KCNQ4: variants seen among roughly 807,000 people sequenced by gnomAD.
KCNQ4 encodes potassium voltage-gated channel subfamily Q member 4, also known as potassium voltage-gated channel subfamily KQT member 4.
In KCNQ4, 31 loss-of-function variants were observed where a neutral mutation model predicts 72.6. That is an observed-to-expected ratio of 0.43 (90% CI 0.32 to 0.58). The LOEUF is 0.58. Ranked by LOEUF, KCNQ4 falls within the 20% of genes least tolerant of loss-of-function variation. The pLI is 0.08. For synonymous variants in KCNQ4, 405 were observed against 403.7 expected, an observed-to-expected ratio of 1.00 and a Z score of -0.04; for missense variants, 869 against 962.6, an observed-to-expected ratio of 0.90 and a Z score of 1.29.
At chr1:40,811,769 A>C (rs1647934786) in intron 1 of KCNQ4, among the ~76,000 whole-genome samples, 1 of 152,222 alleles carries the variant, frequency 6.6e-6, no homozygotes, top group Non-Finnish European at 1.5e-5. Context: ...GGGAGAAAGA[A>C]CATGGGCCAC....
rs1368534226 is a variant in KCNQ4 at position 40,784,752 on chromosome 1, C to T, written c.314+345C>T. Among the ~76,000 whole-genome samples, 1 of 152,178 alleles carries T rather than the reference C, an allele frequency of 6.6e-6. No homozygotes were observed. Among genetic ancestry groups the T allele is most frequent in the Non-Finnish European group, 1.5e-5 (1 of 68,022 alleles). ...CGAAGTCTGGGGCCCCTGGAGTGGG[C>T]GCCCTTTTCCTCTTCCCCACCCCTG... On this transcript the variant is annotated intron_variant, in intron 1 of 13. Coordinates refer to ENST00000347132, the MANE Select transcript of KCNQ4 (RefSeq NM_004700.4). The surrounding 1 kb of genome is among the most constrained non-coding windows in gnomAD (Gnocchi z 4.1).
Position 40,835,579 on chromosome 1 carries a change from C to T in KCNQ4, c.1745+481C>T, listed in dbSNP as rs192408232. ...TCTCCTCTTCTGGCCTGCATTTTCA[C>T]TGTCCACTCATTCATTTAATCACTC... is the stretch of plus-strand genomic sequence containing the variant. On this transcript the variant is annotated intron_variant, in intron 12 of 13. Transcript: ENST00000347132. Among the ~76,000 whole-genome samples, 54 of 152,352 alleles carry T rather than the reference C, an allele frequency of 3.5e-4. 1 individual carries two copies. The highest frequency in any genetic ancestry group is 2.9e-5 in the Non-Finnish European group (2 of 68,038).
At chr1:40,787,432 C>T (rs372759942) in intron 1 of KCNQ4, among the ~76,000 whole-genome samples, 6 of 152,162 alleles carry the variant, frequency 3.9e-5, no homozygotes, top group Non-Finnish European at 5.9e-5. Flanking sequence ...GGAGCGCATT[C>T]GCCCTAGGGT....
Position 40,790,612 on chromosome 1 carries a change from G to A in KCNQ4, c.314+6205G>A, listed in dbSNP as rs1174054404. ...CTTCTTCATGTCACAGTTGAGCAAAGTGAGGCTGGGTGAGGGGATGTCACC... is the reference window on the plus strand; with the variant it reads ...CTTCTTCATGTCACAGTTGAGCAAAATGAGGCTGGGTGAGGGGATGTCACC... On this transcript the variant is annotated intron_variant, in intron 1 of 13. Coordinates refer to ENST00000347132, the MANE Select transcript of KCNQ4 (RefSeq NM_004700.4). Among the ~76,000 whole-genome samples the A allele has an allele frequency of 2.0e-5, 3 of 152,222 alleles. 1 individual carries two copies. Among genetic ancestry groups the A allele is most frequent in the Non-Finnish European group, 4.4e-5 (3 of 68,042 alleles).
intron 1 of KCNQ4, among the ~76,000 whole-genome samples, chr1:40,806,362 C>T (rs1414357851): frequency 1.3e-5 from 2 of 152,222 alleles, no homozygotes; most frequent in Non-Finnish European, 2.9e-5. Context: ...TCTGTCTGGC[C>T]AGTCCCAACA....
intron 1 of KCNQ4, among the ~76,000 whole-genome samples, chr1:40,797,680 C>T (rs1416107223): frequency 1.3e-5 from 2 of 152,094 alleles, no homozygotes; most frequent in Non-Finnish European, 2.9e-5. Context: ...CCAACTTGTC[C>T]CCCTTTTTCC....
chr1:40,792,268 C>T (rs1299310598), intron 1 of KCNQ4, among the ~76,000 whole-genome samples: 6 of 152,184 alleles, frequency 3.9e-5, no homozygotes, highest in Admixed American at 3.9e-4. Flanking sequence ...TCTCAGGCGC[C>T]TTCGCTACTG....
chr1:40,800,111 C>T (rs1376285762), intron 1 of KCNQ4, among the ~76,000 whole-genome samples: 1 of 152,164 alleles, frequency 6.6e-6, no homozygotes, highest in Non-Finnish European at 1.5e-5. Context: ...AGGGTCTGCA[C>T]AGGCCCTTCT....
rs555585661 is a variant in KCNQ4 at position 40,794,706 on chromosome 1, T to A, written c.314+10299T>A. Among the ~76,000 whole-genome samples, 2 of 152,146 alleles carry A rather than the reference T, an allele frequency of 1.3e-5. No individual in the cohort carries two copies. The highest frequency in any genetic ancestry group is 2.9e-5 in the Non-Finnish European group (2 of 68,018). On this transcript the variant is annotated intron_variant, in intron 1 of 13. Coordinates refer to ENST00000347132, the MANE Select transcript of KCNQ4 (RefSeq NM_004700.4). This position sits in a 1 kb window ranked among gnomAD's most constrained non-coding sequence, Gnocchi z 4.2. ...AGATGATGTCCTTTCTTTTATGAAA[T>A]GATGGGCTGGGAAAAAAATGTCCTT...
chr1:40,822,118 GT>G (rs1392047329), intron 7 of KCNQ4, among the ~76,000 whole-genome samples, 195 bp from the exon 8 acceptor site: 2 of 152,184 alleles, frequency 1.3e-5, no homozygotes, highest in African/African-American at 4.8e-5. Context: ...GATCTGCTTT[GT>G]CCCCTCGGGG....
intron 1 of KCNQ4, among the ~76,000 whole-genome samples, chr1:40,803,019 C>T (rs1336184079): frequency 6.6e-6 from 1 of 152,342 alleles, no homozygotes; most frequent in South Asian, 2.1e-4. Context: ...AATTTGTCCC[C>T]TTCCCCCTAT....
Position 40,784,522 on chromosome 1 carries a change from A to C in KCNQ4, c.314+115A>C. 2 of 970,272 alleles carry C rather than the reference A, an allele frequency of 2.1e-6. No individual in the cohort carries two copies. Among genetic ancestry groups the C allele is most frequent in the South Asian group, 2.7e-5 (2 of 75,346 alleles). 60.1% of individuals were successfully genotyped at this position (970,272 alleles called of 1,614,324 possible). Reference sequence around the variant, plus strand: ...CCCCCCTGCCTCAGGGCCGACCCTCATCTCTCTCCCCCCAGGCCTAAGCCC... The same window carrying C: ...CCCCCCTGCCTCAGGGCCGACCCTCCTCTCTCTCCCCCCAGGCCTAAGCCC... On this transcript the variant is annotated intron_variant, in intron 1 of 13. Transcript: ENST00000347132. The surrounding 1 kb of genome is among the most constrained non-coding windows in gnomAD (Gnocchi z 4.1).
In KCNQ4 at chr1:40,818,693, A is replaced by G. The variant is rs752370019; in HGVS notation, c.708+13A>G. 1 of 1,582,380 alleles carries G rather than the reference A, an allele frequency of 6.3e-7. No individual in the cohort carries two copies. The highest frequency in any genetic ancestry group is 1.1e-5 in the South Asian group (1 of 88,414). On this transcript the variant is annotated intron_variant, in intron 4 of 13. Transcript: ENST00000347132. ...CGCGCATAGCAAGGTGAGGCCTGCA[A>G]GCCGCGCGCGGAGACCCGAGGGCGT...
At chr1:40,824,912 C>G (rs555314335) in intron 9 of KCNQ4, among the ~76,000 whole-genome samples, 1 of 152,342 alleles carries the variant, frequency 6.6e-6, no homozygotes, top group East Asian at 1.9e-4. Flanking sequence ...CTGAGGTACA[C>G]TTTGGCGCTC....
chr1:40,803,220 G>T (rs1412086407), intron 1 of KCNQ4, among the ~76,000 whole-genome samples: 1 of 152,148 alleles, frequency 6.6e-6, no homozygotes, highest in African/African-American at 2.4e-5. Context: ...AGCCGTCCAC[G>T]GCCTTGCTTC....
intron 1 of KCNQ4, among the ~76,000 whole-genome samples, chr1:40,812,032 C>T (rs1053996939): frequency 2.1e-4 from 32 of 152,270 alleles, no homozygotes; most frequent in African/African-American, 7.7e-4. Flanking sequence ...CACCTTGTCT[C>T]CTCTACCCCT....
chr1:40,802,354 C>G (rs1461490241), intron 1 of KCNQ4, among the ~76,000 whole-genome samples: 2 of 152,150 alleles, frequency 1.3e-5, no homozygotes, highest in Non-Finnish European at 2.9e-5. Context: ...GCCTTTCAGG[C>G]CGCCGCGTTT....
Position 40,818,199 on chromosome 1 carries a change from C to T in KCNQ4, c.441C>T (p.Tyr147=), listed in dbSNP as rs759714910. Residue 147 remains tyrosine (Y), a synonymous_variant, in exon 3 of 14, where the codon TAC becomes TAT. Coordinates refer to ENST00000347132, the MANE Select transcript of KCNQ4 (RefSeq NM_004700.4). ...FVMIVVFGLE[Y]IVRVWSAGCC... ...TGATCGTGGTTTTCGGCTTGGAGTA[C>T]ATCGTCCGGGTCTGGTCCGCCGGAT... The T allele has an allele frequency of 5.6e-6, 9 of 1,614,040 alleles. No homozygotes were observed. Among genetic ancestry groups the T allele is most frequent in the South Asian group, 1.1e-5 (1 of 91,086 alleles).
chr1:40,799,477 C>A (rs1647514825), intron 1 of KCNQ4, among the ~76,000 whole-genome samples: 1 of 151,914 alleles, frequency 6.6e-6, no homozygotes, highest in Non-Finnish European at 1.5e-5. Context: ...GCCTGGGAGA[C>A]AAGAAAACAT....
Sources: allele counts gnomAD v4.1 joint callset (sites outside exome capture counted in the v4.1 genomes callset), GRCh38; gene constraint gnomAD v4.1.1; non-coding constraint Gnocchi (gnomAD v3.1); transcripts MANE v1.5; gene names NCBI Gene and HGNC (gene_info 2026-07-23, HGNC 2026-07-21).